Variants in TAF7L observed in about 807,000 individuals in gnomAD.
The protein encoded by TAF7L is TATA-box binding protein associated factor 7 like, also known as transcription initiation factor TFIID subunit 7-like.
TAF7L carries 6 observed loss-of-function variants against 30.2 expected under a neutral mutation model. The ratio of observed to expected loss-of-function variants is 0.20; its 90% confidence interval spans 0.11 to 0.39. TAF7L has a LOEUF of 0.39. TAF7L is among the 10% of genes least tolerant of loss of function. The pLI is 1.00. For synonymous variants in TAF7L, 93 were observed against 94.5 expected, an observed-to-expected ratio of 0.98 and a Z score of 0.09; for missense variants, 284 against 277.1, an observed-to-expected ratio of 1.03 and a Z score of -0.18.
At chrX:101,284,285 A>G (rs1273788879) in intron 3 of TAF7L, among the ~76,000 whole-genome samples, 1 of 112,521 alleles carries the variant, frequency 8.9e-6, no homozygotes, top group African/African-American at 3.2e-5. Flanking sequence ...AAACAGTATC[A>G]GTTATCTGTG....
At chrX:101,279,214 T>TA (rs1173169492) in intron 6 of TAF7L, among the ~76,000 whole-genome samples, 179 bp from the exon 7 acceptor site, 1 of 112,182 alleles carries the variant, frequency 8.9e-6, no homozygotes, top group African/African-American at 3.2e-5. Flanking sequence ...CTCAATATAG[T>TA]AAAAATGTCA....
chrX:101,291,826 A>G (rs1320996290), upstream of TAF7L, among the ~76,000 whole-genome samples: 1 of 104,841 alleles, frequency 9.5e-6, no homozygotes, highest in Non-Finnish European at 2.0e-5. Flanking sequence ...AGATTGCGCC[A>G]CTGCACTCCA....
rs777425316 is a variant in TAF7L, at chrX:101,277,675, G to C, written c.622C>G (p.Gln208Glu). The C allele has an allele frequency of 1.7e-6, 2 of 1,205,885 alleles. No homozygotes were observed. Among genetic ancestry groups the C allele is most frequent in the South Asian group, 3.6e-5 (2 of 55,862 alleles). Residue 208 changes from glutamine (Q) to glutamate (E), a missense_variant, in exon 9 of 13, where the codon CAA becomes GAA. Transcript: ENST00000356784. ...AEDGTKEIES[Q>E]GSIPGFLISS... The stretch of plus-strand genomic sequence containing the variant: ...ATCAAAAATCCTGGGATGGAGCCTT[G>C]ACTTTCTATTTCCTTGGTTCCATCT...
In TAF7L at chrX:101,287,163, T is replaced by C. The variant is rs187672976; in HGVS notation, c.66+315A>G. ...GCCCCTTTTGAGGTGACAGAAAGGA[T>C]TTCAGAGGAGCCGTATCTTGGCTGT... On this transcript the variant is annotated intron_variant, in intron 2 of 12. Coordinates refer to ENST00000356784, the MANE Select transcript of TAF7L (RefSeq NM_001168474.2). Among the ~76,000 whole-genome samples the C allele has an allele frequency of 2.7e-5, 3 of 111,471 alleles. No homozygotes were observed. In the Admixed American group the frequency reaches 2.9e-4, roughly 11 times the overall value.
intron 5 of TAF7L, 116 bp from the exon 6 acceptor site, chrX:101,281,891 T>TC: frequency 1.5e-6 from 1 of 671,006 alleles, no homozygotes; most frequent in Non-Finnish European, 2.2e-6. Flanking sequence ...ACTCCTTTTT[T>TC]TTTTTTTTTT....
intron 1 of TAF7L, among the ~76,000 whole-genome samples, chrX:101,290,357 G>C (rs1325287595): frequency 8.9e-6 from 1 of 112,049 alleles, no homozygotes; most frequent in African/African-American, 3.2e-5. Flanking sequence ...ATACAAAAGA[G>C]AAATGTAAAT....
At chrX:101,275,954 C>T (rs752713350) in intron 11 of TAF7L, 46 bp downstream of exon 11, 1 of 955,433 alleles carries the variant, frequency 1.0e-6, no homozygotes, top group South Asian at 2.3e-5. Context: ...AGGCAAGATA[C>T]TGAAAGTAAG....
At chrX:101,288,904 T>C (rs1039811911) in intron 1 of TAF7L, among the ~76,000 whole-genome samples, 33 of 110,886 alleles carry the variant, frequency 3.0e-4, no homozygotes, top group Non-Finnish European at 4.5e-4. Context: ...GCAACTTTCA[T>C]TTTTTTTAAT....
At chrX:101,287,392 AAT>A in intron 2 of TAF7L, 84 bp downstream of exon 2, 1 of 753,210 alleles carries the variant, frequency 1.3e-6, no homozygotes, top group Non-Finnish European at 1.9e-6. Context: ...GCCTACCTGA[AAT>A]AGAAATGTCA....
chrX:101,281,507 T>C (rs1005049017), intron 6 of TAF7L, among the ~76,000 whole-genome samples: 1 of 111,943 alleles, frequency 8.9e-6, no homozygotes, highest in Non-Finnish European at 1.9e-5. Flanking sequence ...CCCAAATGAC[T>C]AGCCTATAAC....
chrX:101,276,269 C>T, intron 10 of TAF7L, 38 bp downstream of exon 10: 1 of 1,206,820 alleles, frequency 8.3e-7, no homozygotes, highest in Admixed American at 2.2e-5. Flanking sequence ...AGCACTGCCA[C>T]CCACCCTGGT....
chrX:101,291,439 G>T (rs1031397495), upstream of TAF7L: 1 of 239,972 alleles, frequency 4.2e-6, no homozygotes, highest in Non-Finnish European at 5.9e-6. Context: ...GCACGACTTC[G>T]AGGCAGTGGC....
At chrX:101,273,433 C>A (rs1462019131) in intron 12 of TAF7L, among the ~76,000 whole-genome samples, 1 of 110,799 alleles carries the variant, frequency 9.0e-6, no homozygotes, top group Non-Finnish European at 1.9e-5. Flanking sequence ...ACTAAAAATA[C>A]AAAAAATTAG....
rs1167037445 is a variant in TAF7L, at chrX:101,278,352, A to G, written c.505-231T>C. ...TTCCTAATTAAACAAATTACTTGAGACATTTAATCTTTTCAATCTGCAGCT... is the reference window on the plus strand; with the variant it reads ...TTCCTAATTAAACAAATTACTTGAGGCATTTAATCTTTTCAATCTGCAGCT... On this transcript the variant is annotated intron_variant, in intron 7 of 12. Coordinates refer to ENST00000356784, the MANE Select transcript of TAF7L (RefSeq NM_001168474.2). 3.6e-5 allele frequency among the ~76,000 whole-genome samples: 4 copies of G among 112,539 alleles called. No individual in the cohort carries two copies. The East Asian group carries it at 1.1e-3, about 31-fold the overall frequency.
At position 101,269,621 on chromosome X, in the gene TAF7L, G is replaced by A. The variant is rs193283233; in HGVS notation, c.1087-384C>T. Among the ~76,000 whole-genome samples the A allele has an allele frequency of 3.1e-4, 35 of 111,403 alleles. No individual in the cohort carries two copies. In the East Asian group the frequency reaches 9.4e-3, roughly 30 times the overall value. ...TCATATCTTACATGGATGGCAGCAGGCAAAGAGAGGAGAACTTATGCAGGG... is the reference window on the plus strand; with the variant it reads ...TCATATCTTACATGGATGGCAGCAGACAAAGAGAGGAGAACTTATGCAGGG... On this transcript the variant is annotated intron_variant, in intron 12 of 12. Transcript: ENST00000356784.
chrX:101,273,934 C>T (rs6652841), intron 12 of TAF7L, among the ~76,000 whole-genome samples: 50,993 of 110,764 alleles, frequency 0.46, 9,539 homozygotes, highest in African/African-American at 0.72. Flanking sequence ...AATTCAAGAC[C>T]CTTTATTCTA....
At position 101,280,724 on chromosome X, in the gene TAF7L, T is replaced by C. The variant is rs1000972144; in HGVS notation, c.462+996A>G. Reference sequence around the variant, plus strand: ...AACCTGTAAACAACCCAGATGTCCTTCAAAGGGAGAACAGTTATGTAATGT... The same window carrying C: ...AACCTGTAAACAACCCAGATGTCCTCCAAAGGGAGAACAGTTATGTAATGT... On this transcript the variant is annotated intron_variant, in intron 6 of 12. Transcript: ENST00000356784. 2.7e-5 allele frequency among the ~76,000 whole-genome samples: 3 copies of C among 111,811 alleles called. No individual in the cohort carries two copies. In the Admixed American group the frequency reaches 2.9e-4, roughly 11 times the overall value.
chrX:101,270,981 A>G (rs1283782557), intron 12 of TAF7L, among the ~76,000 whole-genome samples: 2 of 111,086 alleles, frequency 1.8e-5, no homozygotes, highest in African/African-American at 6.5e-5. Flanking sequence ...CCCTACCTAT[A>G]TTTTAAGGCC....
intron 10 of TAF7L, 33 bp downstream of exon 10, chrX:101,276,274 C>T (rs761437017): frequency 8.3e-6 from 10 of 1,210,196 alleles, no homozygotes; most frequent in Non-Finnish European, 1.0e-5. Context: ...TGCCACCCAC[C>T]CTGGTCCCAT....
Sources: gnomAD v4.1 joint callset for allele counts (sites outside exome capture counted in the v4.1 genomes callset) on GRCh38, gnomAD v4.1.1 for gene constraint, MANE v1.5 for transcripts, NCBI Gene and HGNC (gene_info 2026-07-23, HGNC 2026-07-21) for gene names.